MTCL2: variants seen among roughly 807,000 people sequenced by gnomAD.
The protein encoded by MTCL2 is microtubule cross-linking factor 2.
the MTCL2 span, among the ~76,000 whole-genome samples, chr20:36,849,751 C>T: frequency 4.6e-5 from 7 of 152,138 alleles, no homozygotes; most frequent in African/African-American, 1.4e-4. Flanking sequence ...CTGAGGACAG[C>T]GGGGGGAAGT....
chr20:36,861,844 A>C, the MTCL2 span, among the ~76,000 whole-genome samples: 1 of 152,220 alleles, frequency 6.6e-6, no homozygotes, highest in Non-Finnish European at 1.5e-5. Context: ...GAAAAAGCAA[A>C]GGCAAAGCCT....
chr20:36,794,768 T>TA, the MTCL2 span: 16 of 841,598 alleles, frequency 1.9e-5, no homozygotes, highest in Non-Finnish European at 3.0e-5. This position sits in a 1 kb window ranked among gnomAD's most constrained non-coding sequence, Gnocchi z 5.4. Context: ...GTCTGCATTT[T>TA]CTTTTTTTTT....
chr20:36,777,483 TAAA>T, the MTCL2 span: 1 of 308,378 alleles, frequency 3.2e-6, no homozygotes. Flanking sequence ...CTACAACCAT[TAAA>T]AACGCTTTAT....
the MTCL2 span, chr20:36,817,608 T>G: frequency 4.2e-6 from 3 of 712,976 alleles, no homozygotes; most frequent in Non-Finnish European, 2.3e-6. Context: ...CTGATGGCAC[T>G]GACTGTTGAG....
chr20:36,777,634 G>A, the MTCL2 span: 1 of 484,400 alleles, frequency 2.1e-6, no homozygotes, highest in Non-Finnish European at 3.7e-6. Context: ...GGAAAGGAGA[G>A]AATAGTGGAC....
At chr20:36,858,724 T>G in the MTCL2 span, among the ~76,000 whole-genome samples, 1 of 152,186 alleles carries the variant, frequency 6.6e-6, no homozygotes, top group Non-Finnish European at 1.5e-5. Context: ...AATGTTTTCT[T>G]GTCTATTCAC....
chr20:36,849,711 C>T, the MTCL2 span, among the ~76,000 whole-genome samples: 32 of 152,262 alleles, frequency 2.1e-4, no homozygotes, highest in African/African-American at 5.8e-4. Flanking sequence ...CAGAAACCCA[C>T]GCAGATATAA....
chr20:36,827,245 G>T, the MTCL2 span, among the ~76,000 whole-genome samples: 1 of 151,408 alleles, frequency 6.6e-6, no homozygotes, highest in Admixed American at 6.6e-5. Context: ...TAGACATGGG[G>T]TTTCGCCATG....
the MTCL2 span, chr20:36,812,924 A>G: frequency 2.0e-5 from 30 of 1,506,646 alleles, no homozygotes; most frequent in Non-Finnish European, 2.7e-5. Flanking sequence ...CACCCACCCC[A>G]GGCCTCTGCG....
chr20:36,808,759 A>C, the MTCL2 span: 3 of 1,559,702 alleles, frequency 1.9e-6, no homozygotes, highest in Non-Finnish European at 2.6e-6. Context: ...GGGGGACAAG[A>C]GCTTGAGCAA....
At chr20:36,858,463 AACACACACACAC>A in the MTCL2 span, among the ~76,000 whole-genome samples, 603 of 24,862 alleles carry the variant, frequency 0.024, 62 homozygotes, top group Middle Eastern at 0.053. Flanking sequence ...AAGGAGGGAA[AACACACACACAC>A]ACACACACAC....
the MTCL2 span, among the ~76,000 whole-genome samples, chr20:36,798,357 C>T: frequency 7.2e-5 from 11 of 152,192 alleles, 1 homozygote; most frequent in African/African-American, 2.7e-4. Context: ...TGTGAGGCAC[C>T]GCGTCTGGCC....
At chr20:36,846,078 C>T in the MTCL2 span, among the ~76,000 whole-genome samples, 3 of 152,056 alleles carry the variant, frequency 2.0e-5, no homozygotes, top group East Asian at 1.9e-4. Context: ...TGGTGGCTCA[C>T]GACTGTAATC....
the MTCL2 span, chr20:36,804,895 T>C: frequency 6.2e-7 from 1 of 1,610,140 alleles, no homozygotes; most frequent in South Asian, 1.1e-5. Context: ...CTTGATGTAC[T>C]CATTGGGCTG....
chr20:36,863,038 A>G, the MTCL2 span: 1 of 1,405,962 alleles, frequency 7.1e-7, no homozygotes, highest in Non-Finnish European at 9.3e-7. The surrounding 1 kb of genome is among the most constrained non-coding windows in gnomAD (Gnocchi z 6.2). Flanking sequence ...CCCGCACCCG[A>G]GCGCGGACGG....
the MTCL2 span, among the ~76,000 whole-genome samples, chr20:36,798,006 T>C: frequency 6.6e-6 from 1 of 152,012 alleles, no homozygotes; most frequent in Non-Finnish European, 1.5e-5. Context: ...TTCTCTCCCC[T>C]CTTTGGAGCT....
chr20:36,828,792 T>C, the MTCL2 span: 1 of 423,014 alleles, frequency 2.4e-6, no homozygotes, highest in Non-Finnish European at 4.2e-6. Flanking sequence ...AATGACTCTC[T>C]CTCTCATTAC....
chr20:36,821,213 T>G, the MTCL2 span, among the ~76,000 whole-genome samples: 1 of 152,348 alleles, frequency 6.6e-6, no homozygotes, highest in Admixed American at 6.5e-5. Context: ...TTTATATTAC[T>G]TTTTTAGATT....
chr20:36,849,779 T>A, the MTCL2 span, among the ~76,000 whole-genome samples: 1 of 152,194 alleles, frequency 6.6e-6, no homozygotes, highest in African/African-American at 2.4e-5. Flanking sequence ...TGGGGCCCAC[T>A]GGAACCTTTG....
Sources: allele counts gnomAD v4.1 joint callset (sites outside exome capture counted in the v4.1 genomes callset), GRCh38; gene constraint gnomAD v4.1.1; non-coding constraint Gnocchi (gnomAD v3.1); transcripts MANE v1.5; gene names NCBI Gene and HGNC (gene_info 2026-07-23, HGNC 2026-07-21).